Variants in NFATC1 observed in about 807,000 individuals in gnomAD.
NFATC1 encodes nuclear factor of activated T cells 1.
Under a neutral mutation model 76.0 loss-of-function variants are expected in NFATC1, and 22 were observed. That is an observed-to-expected ratio of 0.29 (90% CI 0.21 to 0.41). The LOEUF (loss-of-function observed/expected upper bound fraction) is 0.41, where lower values mean the gene tolerates loss of function less well. Among genes scored for constraint, NFATC1 ranks in the 10% least tolerant of loss-of-function variants. NFATC1 has a pLI of 1.00. For synonymous variants in NFATC1, 704 were observed against 613.1 expected, an observed-to-expected ratio of 1.15 and a Z score of -2.19; for missense variants, 1,357 against 1,337.7, an observed-to-expected ratio of 1.01 and a Z score of -0.23.
At chr18:79,456,802 CTG>C (rs1337808505) in intron 6 of NFATC1, among the ~76,000 whole-genome samples, 1 of 152,170 alleles carries the variant, frequency 6.6e-6, no homozygotes, top group African/African-American at 2.4e-5. Flanking sequence ...ATGGCTGCCT[CTG>C]TGGCATCTCC....
intron 8 of NFATC1, among the ~76,000 whole-genome samples, chr18:79,484,836 C>T (rs528096068): frequency 5.9e-5 from 9 of 152,194 alleles, no homozygotes; most frequent in South Asian, 2.1e-4. Context: ...TCACGACCGC[C>T]GGGACCTGTG....
chr18:79,492,721 A>AG (rs2089718879), intron 9 of NFATC1, among the ~76,000 whole-genome samples: 1 of 140,052 alleles, frequency 7.1e-6, no homozygotes, highest in Non-Finnish European at 1.6e-5. Flanking sequence ...AAAAAAAAAA[A>AG]AGATTAGCTG....
chr18:79,402,885 C>G (rs1054317046), intron 1 of NFATC1, among the ~76,000 whole-genome samples: 1 of 152,220 alleles, frequency 6.6e-6, no homozygotes, highest in African/African-American at 2.4e-5. Flanking sequence ...GAAACTACTT[C>G]ACGTTGTTTC....
chr18:79,441,597 G>A (rs1442080150), intron 3 of NFATC1, among the ~76,000 whole-genome samples: 2 of 152,182 alleles, frequency 1.3e-5, no homozygotes, highest in African/African-American at 2.4e-5. Flanking sequence ...GTCAGGCCCT[G>A]CTGGGGTAGA....
chr18:79,410,071 G>C lies in NFATC1; in HGVS notation c.128-332G>C, dbSNP rs754624383. The C allele has an allele frequency of 3.0e-6, 2 of 660,654 alleles. No individual in the cohort carries two copies. The highest frequency in any genetic ancestry group is 2.8e-5 in the South Asian group (2 of 72,448). The allele number at this position is 660,654 out of a possible 1,614,324, so 40.9% of individuals were successfully genotyped here. On this transcript the variant is annotated intron_variant, in intron 1 of 9. Coordinates refer to ENST00000427363, the MANE Select transcript of NFATC1 (RefSeq NM_001278669.2). The surrounding 1 kb of genome is among the most constrained non-coding windows in gnomAD (Gnocchi z 6.7). ...CGTTCGGATGAAGATGGGGTGGTTG[G>C]GGAAGGTGGTTTTTGAATGAAGAGC... is the stretch of plus-strand genomic sequence containing the variant.
intron 3 of NFATC1, among the ~76,000 whole-genome samples, chr18:79,438,746 G>T (rs919197598): frequency 6.6e-6 from 1 of 152,172 alleles, no homozygotes; most frequent in Non-Finnish European, 1.5e-5. Flanking sequence ...CGAAGACTCA[G>T]AGTCAGGAGG....
intron 2 of NFATC1, among the ~76,000 whole-genome samples, chr18:79,413,625 G>A (rs1238286531): frequency 6.6e-6 from 1 of 152,254 alleles, no homozygotes; most frequent in Non-Finnish European, 1.5e-5. Flanking sequence ...TCCATTATGT[G>A]AGTTTGCGGG....
At position 79,449,037 on chromosome 18, in the gene NFATC1, GCCTC is replaced by G; in HGVS notation, c.1589+60_1589+63del. ...GGCAGGGGGCGGTAGGAGGGGGCGT[GCCTC>G]CCTCCCAGTCCCGGGGGGTCTGGCC... On this transcript the variant is annotated intron_variant, in intron 4 of 9. Transcript: ENST00000427363. The G allele has an allele frequency of 4.5e-6, 7 of 1,567,802 alleles. No homozygotes were observed. The South Asian group carries it at 6.8e-5, about 15-fold the overall frequency.
At chr18:79,425,553 C>T (rs1030427497) in intron 2 of NFATC1, among the ~76,000 whole-genome samples, 1 of 152,232 alleles carries the variant, frequency 6.6e-6, no homozygotes, top group Non-Finnish European at 1.5e-5. Flanking sequence ...CTTTAACCCT[C>T]GGAAAATCAG....
At chr18:79,490,280 C>T (rs1016060943) in intron 9 of NFATC1, among the ~76,000 whole-genome samples, 7 of 151,256 alleles carry the variant, frequency 4.6e-5, no homozygotes, top group Admixed American at 3.3e-4. Context: ...TGGGGTGGTC[C>T]CTGGTGCAGG....
intron 1 of NFATC1, among the ~76,000 whole-genome samples, chr18:79,407,602 C>T (rs1012872890): frequency 1.3e-5 from 2 of 152,214 alleles, no homozygotes; most frequent in African/African-American, 4.8e-5. Flanking sequence ...CGTGCGCCAC[C>T]ATGCCTGGCT....
At chr18:79,457,579 C>T (rs1352317659) in intron 6 of NFATC1, among the ~76,000 whole-genome samples, 1 of 152,184 alleles carries the variant, frequency 6.6e-6, no homozygotes, top group Non-Finnish European at 1.5e-5. Flanking sequence ...ATGATCTATA[C>T]ACCATTTAAT....
At chr18:79,483,729 C>CT (rs1305483357) in intron 8 of NFATC1, among the ~76,000 whole-genome samples, 2 of 145,472 alleles carry the variant, frequency 1.4e-5, no homozygotes, top group African/African-American at 5.3e-5. Flanking sequence ...CCAGCGTGAC[C>CT]TGGTCCTGGG....
At position 79,475,256 on chromosome 18, in the gene NFATC1, G is replaced by A. The variant is rs529626708; in HGVS notation, c.2092+7674G>A. ...GTGTGTTCTCACGCTCACCGTCGAC[G>A]TTGTAAACCTGAGGGAAGCGTGTTC... On this transcript the variant is annotated intron_variant, in intron 8 of 9. Transcript: ENST00000427363. Among the ~76,000 whole-genome samples the A allele has an allele frequency of 8.0e-4, 118 of 146,698 alleles. 3 individuals are homozygous for A. Among genetic ancestry groups the A allele is most frequent in the African/African-American group, 2.8e-3 (108 of 39,184 alleles).
intron 2 of NFATC1, among the ~76,000 whole-genome samples, chr18:79,431,814 T>TC (rs1028635334): frequency 3.3e-5 from 5 of 152,160 alleles, no homozygotes; most frequent in Non-Finnish European, 7.3e-5. Context: ...GCAATTCTCC[T>TC]CCCTCAGCCT....
At position 79,437,944 on chromosome 18, in the gene NFATC1, C is replaced by T. The variant is rs542937091; in HGVS notation, c.1386+4206C>T. Among the ~76,000 whole-genome samples, 5 of 152,372 alleles carry T rather than the reference C, an allele frequency of 3.3e-5. No individual in the cohort carries two copies. In the South Asian group the frequency reaches 1.0e-3, roughly 32 times the overall value. On this transcript the variant is annotated intron_variant, in intron 3 of 9. Transcript: ENST00000427363. ...TGGGGTGAGACAGGCAGTGTTCTTC[C>T]CCTTCTCTGGCCAGGGAGGGTGGAG...
chr18:79,408,936 TATCCATTCATTCATC>T (rs1201101039), intron 1 of NFATC1, among the ~76,000 whole-genome samples: 83 of 140,688 alleles, frequency 5.9e-4, no homozygotes, highest in African/African-American at 2.2e-3. Flanking sequence ...CTCCATTCCC[TATCCATTCATTCATC>T]ATCCATCCAT....
intron 2 of NFATC1, among the ~76,000 whole-genome samples, chr18:79,414,156 C>T (rs192898458): frequency 6.6e-6 from 1 of 152,286 alleles, no homozygotes; most frequent in East Asian, 1.9e-4. Context: ...TTTTTACCAG[C>T]GAGGTGGAGA....
At chr18:79,475,886 T>A (rs1218344114) in intron 8 of NFATC1, among the ~76,000 whole-genome samples, 1 of 152,198 alleles carries the variant, frequency 6.6e-6, no homozygotes, top group African/African-American at 2.4e-5. Context: ...GGTGGAAGAT[T>A]GCTCCTGCAG....
Sources: allele counts gnomAD v4.1 joint callset (sites outside exome capture counted in the v4.1 genomes callset), GRCh38; gene constraint gnomAD v4.1.1; non-coding constraint Gnocchi (gnomAD v3.1); transcripts MANE v1.5; gene names NCBI Gene and HGNC (gene_info 2026-07-23, HGNC 2026-07-21).